RIN2: variants seen among roughly 807,000 people sequenced by gnomAD.
RIN2 encodes the protein RAB5 interacting protein 2.
RIN2 carries 36 observed loss-of-function variants against 78.0 expected under a neutral mutation model. The observed-to-expected ratio is 0.46, with a 90% confidence interval of 0.35 to 0.61. RIN2 has a LOEUF of 0.61. Among genes scored for constraint, RIN2 ranks in the 20% least tolerant of loss-of-function variants. The probability of loss-of-function intolerance (pLI) is 0.00; values close to 1 mark genes in which losing one functional copy is unlikely to be tolerated. For missense variants in RIN2, 1,087 were observed against 1,159.7 expected (o/e 0.94, Z 0.91); for synonymous variants, 466 against 466.8 (o/e 1.00, Z 0.02).
chr20:19,955,102 T>TCCCCATTCTCTTTTCTCTC (rs2041481178), intron 4 of RIN2, among the ~76,000 whole-genome samples: 1 of 152,148 alleles, frequency 6.6e-6, no homozygotes, highest in Non-Finnish European at 1.5e-5. Flanking sequence ...TTGCAATCGC[T>TCCCCATTCTCTTTTCTCTC]CCCCATTCTC....
At chr20:19,896,510 A>T (rs529283243) in intron 3 of RIN2, among the ~76,000 whole-genome samples, 2 of 152,226 alleles carry the variant, frequency 1.3e-5, no homozygotes, top group African/African-American at 2.4e-5. Flanking sequence ...GCCTCCCAGC[A>T]GATCCCCTGG....
At chr20:19,971,633 TC>T (rs1321726423) in intron 8 of RIN2, among the ~76,000 whole-genome samples, 1 of 152,128 alleles carries the variant, frequency 6.6e-6, no homozygotes, top group African/African-American at 2.4e-5. Flanking sequence ...GGCATATTTT[TC>T]TCTTAATTTA....
intron 4 of RIN2, among the ~76,000 whole-genome samples, chr20:19,947,885 A>G (rs1185778140): frequency 6.6e-6 from 1 of 152,248 alleles, no homozygotes; most frequent in Admixed American, 6.5e-5. Flanking sequence ...CAAAGCAAGC[A>G]GGTGTTGCTC....
In RIN2 at chr20:19,975,594, G is replaced by A. The variant is rs1392248858; in HGVS notation, c.1569G>A (p.Arg523=). The change falls in exon 9 of 13, where the codon CGG becomes CGA. Residue 523 remains arginine (R), a synonymous_variant. Transcript: ENST00000255006. This position sits in a 1 kb window ranked among gnomAD's most constrained non-coding sequence, Gnocchi z 4.9. ...TCCGCAGGATCGCCGAGCTTTCCCG[G>A]GACAAATGCACCTACTTCGGGTGCT... ...RMVRRIAELS[R]DKCTYFGCLV... is the part of the protein sequence containing the mutation. The A allele has an allele frequency of 6.8e-6, 11 of 1,613,974 alleles. No individual in the cohort carries two copies. Among genetic ancestry groups the A allele is most frequent in the South Asian group, 2.2e-5 (2 of 91,078 alleles).
At chr20:19,774,198 C>T (rs1199547333) in intron 1 of RIN2, among the ~76,000 whole-genome samples, 1 of 152,124 alleles carries the variant, frequency 6.6e-6, no homozygotes, top group African/African-American at 2.4e-5. Flanking sequence ...TCTAAAATGA[C>T]ATAAATATGA....
intron 1 of RIN2, among the ~76,000 whole-genome samples, chr20:19,767,264 C>T (rs2033926010): frequency 1.3e-5 from 2 of 152,188 alleles, no homozygotes; most frequent in African/African-American, 4.8e-5. Flanking sequence ...GTCTAGATTC[C>T]TCCTGGTCTC....
intron 3 of RIN2, among the ~76,000 whole-genome samples, chr20:19,911,217 AT>A (rs2039451253): frequency 6.6e-6 from 1 of 151,546 alleles, no homozygotes; most frequent in East Asian, 2.0e-4. Flanking sequence ...TGCCCAGCTA[AT>A]TTTTTAATTT....
At chr20:19,878,825 A>T (rs13036811) in intron 2 of RIN2, among the ~76,000 whole-genome samples, 24,715 of 152,060 alleles carry the variant, frequency 0.16, 2,528 homozygotes, top group East Asian at 0.29. Context: ...TATCATTATG[A>T]CTCAAAGCAG....
intron 2 of RIN2, among the ~76,000 whole-genome samples, chr20:19,862,700 C>T (rs1042716207): frequency 6.6e-6 from 1 of 152,244 alleles, no homozygotes; most frequent in Non-Finnish European, 1.5e-5. Flanking sequence ...TCTTACCAGG[C>T]ATTAACAAGT....
intron 2 of RIN2, among the ~76,000 whole-genome samples, chr20:19,865,555 A>G (rs2037481075): frequency 6.8e-6 from 1 of 146,088 alleles, no homozygotes. Flanking sequence ...TGCTGCAATC[A>G]TGGCTCACTG....
chr20:20,000,524 C>A, intron 12 of RIN2, 89 bp from the exon 13 acceptor site: 1 of 1,061,246 alleles, frequency 9.4e-7, no homozygotes, highest in Non-Finnish European at 1.4e-6. Flanking sequence ...CTGGAAATGG[C>A]TTACAGTTAC....
Position 19,849,449 on chromosome 20 carries a change from G to A in RIN2, c.-36-40117G>A, listed in dbSNP as rs576463297. ...GACCCAGCAGGGTCCTGGTAGCTGC[G>A]AGAGCATCGTTCTACCCCGACTCTG... On this transcript the variant is annotated intron_variant, in intron 2 of 12. Transcript: ENST00000255006. Among the ~76,000 whole-genome samples, 5 of 152,302 alleles carry A rather than the reference G, an allele frequency of 3.3e-5. No individual in the cohort carries two copies. In the East Asian group the frequency reaches 5.8e-4, roughly 18 times the overall value.
At chr20:19,989,784 G>C (rs1202172394) in intron 9 of RIN2, among the ~76,000 whole-genome samples, 1 of 152,224 alleles carries the variant, frequency 6.6e-6, no homozygotes, top group Non-Finnish European at 1.5e-5. Flanking sequence ...ATGCAAGTTA[G>C]ACATCATTGG....
chr20:19,901,257 T>C (rs2038968694), intron 3 of RIN2, among the ~76,000 whole-genome samples: 1 of 152,188 alleles, frequency 6.6e-6, no homozygotes, highest in African/African-American at 2.4e-5. Flanking sequence ...AGTCAATAAC[T>C]CTGCAAGCCT....
intron 3 of RIN2, among the ~76,000 whole-genome samples, chr20:19,922,089 C>T (rs2039948874): frequency 6.6e-6 from 1 of 152,220 alleles, no homozygotes; most frequent in African/African-American, 2.4e-5. Flanking sequence ...TAGTCTTGAA[C>T]TCCTGACCTC....
intron 2 of RIN2, among the ~76,000 whole-genome samples, chr20:19,812,506 G>T (rs1458933335): frequency 6.6e-6 from 1 of 152,176 alleles, no homozygotes; most frequent in Admixed American, 6.5e-5. Context: ...CATTTGCATA[G>T]CTTCTTTGAT....
At chr20:19,788,320 T>C (rs759508375) in intron 1 of RIN2, among the ~76,000 whole-genome samples, 2 of 151,268 alleles carry the variant, frequency 1.3e-5, no homozygotes, top group Non-Finnish European at 2.9e-5. Context: ...ATTGGCCAGG[T>C]GCATTGCCTC....
chr20:19,798,374 A>G (rs8116062), intron 1 of RIN2, among the ~76,000 whole-genome samples: 192 of 152,180 alleles, frequency 1.3e-3, no homozygotes, highest in African/African-American at 4.3e-3. Flanking sequence ...GGACCCAGGC[A>G]TGAAGGAAGG....
chr20:19,871,832 C>T (rs1221471294), intron 2 of RIN2: 1 of 152,132 alleles, frequency 6.6e-6, no homozygotes, highest in Non-Finnish European at 1.5e-5. Context: ...AAATGGATCC[C>T]CAGTTTATTT....
Sources: allele counts gnomAD v4.1 joint callset (sites outside exome capture counted in the v4.1 genomes callset), GRCh38; gene constraint gnomAD v4.1.1; non-coding constraint Gnocchi (gnomAD v3.1); transcripts MANE v1.5; gene names NCBI Gene and HGNC (gene_info 2026-07-23, HGNC 2026-07-21).